The following SLBP variants were observed in gnomAD, a reference collection of about 807,000 sequenced individuals.
SLBP encodes stem-loop histone mRNA binding protein, also known as histone RNA hairpin-binding protein.
SLBP carries 29 observed loss-of-function variants against 39.2 expected under a neutral mutation model. That is an observed-to-expected ratio of 0.74 (90% CI 0.55 to 1.01). SLBP has a LOEUF of 1.01. Among genes scored for constraint, SLBP ranks in the 50% least tolerant of loss-of-function variants. The pLI, the probability that SLBP is intolerant of heterozygous loss-of-function variation, is 0.00. For synonymous variants in SLBP, 129 were observed against 118.7 expected (o/e 1.09, Z -0.57); for missense variants, 390 against 350.2 (o/e 1.11, Z -0.91).
chr4:1,710,744 A>G (rs559552036), intron 2 of SLBP, among the ~76,000 whole-genome samples: 14 of 147,940 alleles, frequency 9.5e-5, no homozygotes, highest in South Asian at 6.4e-4. Context: ...ATCTGCTTAG[A>G]AAAAAAAAAA....
At chr4:1,703,495 G>A (rs1716407275) in intron 3 of SLBP, 101 bp downstream of exon 3, 1 of 792,970 alleles carries the variant, frequency 1.3e-6, no homozygotes, top group East Asian at 2.5e-5. Context: ...TTGGTCTGGA[G>A]CCCAGACCTT....
At chr4:1,694,396 CTT>C (rs35411773) in intron 7 of SLBP, among the ~76,000 whole-genome samples, 13 of 136,812 alleles carry the variant, frequency 9.5e-5, no homozygotes, top group African/African-American at 1.9e-4. Flanking sequence ...GGTTTTCTTT[CTT>C]TTTTTTTTTT....
At chr4:1,708,003 C>T (rs1428768004) in intron 2 of SLBP, among the ~76,000 whole-genome samples, 5 of 149,882 alleles carry the variant, frequency 3.3e-5, no homozygotes, top group East Asian at 3.9e-4. Context: ...TGCTTGAACC[C>T]GGGAGGCAGA....
chr4:1,710,618 G>A (rs1334250816), intron 2 of SLBP, among the ~76,000 whole-genome samples: 3 of 152,222 alleles, frequency 2.0e-5, no homozygotes, highest in Non-Finnish European at 2.9e-5. Flanking sequence ...CATGTTCCAA[G>A]AGAAAAGGAG....
chr4:1,701,693 G>C (rs957138333), intron 3 of SLBP, among the ~76,000 whole-genome samples: 1 of 152,116 alleles, frequency 6.6e-6, no homozygotes, highest in African/African-American at 2.4e-5. Flanking sequence ...AATCACCTGA[G>C]GTCAGGAGTT....
intron 2 of SLBP, among the ~76,000 whole-genome samples, chr4:1,710,410 C>T (rs1716705589): frequency 6.6e-6 from 1 of 152,228 alleles, no homozygotes; most frequent in Non-Finnish European, 1.5e-5. Flanking sequence ...TTGAGTCATT[C>T]TTGATGCCTC....
At chr4:1,709,068 C>CT (rs3993283) in intron 2 of SLBP, among the ~76,000 whole-genome samples, 7,048 of 144,930 alleles carry the variant, frequency 0.049, 179 homozygotes, top group South Asian at 0.07. Context: ...AGTCTTTTGT[C>CT]TTTTTTTTTT....
intron 1 of SLBP, 48 bp from the exon 2 acceptor site, chr4:1,712,038 C>T (rs1351536830): frequency 2.4e-6 from 3 of 1,245,230 alleles, no homozygotes; most frequent in South Asian, 3.0e-5. Context: ...TCGGGACCGC[C>T]TTACAACCTC....
intron 2 of SLBP, among the ~76,000 whole-genome samples, chr4:1,706,669 G>A (rs1716528127): frequency 6.6e-6 from 1 of 152,098 alleles, no homozygotes. Context: ...GGCTAGGCGT[G>A]GCAGCGCGTG....
At chr4:1,705,492 G>C (rs1382108817) in intron 2 of SLBP, among the ~76,000 whole-genome samples, 3 of 152,134 alleles carry the variant, frequency 2.0e-5, no homozygotes, top group Non-Finnish European at 4.4e-5. Context: ...TAGACTACTT[G>C]TTTTATTTTG....
At chr4:1,700,730 A>T (rs1320972851) in intron 3 of SLBP, among the ~76,000 whole-genome samples, 1 of 152,054 alleles carries the variant, frequency 6.6e-6, no homozygotes, top group Non-Finnish European at 1.5e-5. Context: ...CATCTCCAAA[A>T]AAATTTTTTT....
rs1715989643 is a variant in SLBP, at chr4:1,693,405, AC to A, written c.*191del. On this transcript the variant is annotated 3_prime_UTR_variant, in exon 8 of 8. Coordinates refer to ENST00000489418, the MANE Select transcript of SLBP (RefSeq NM_006527.4). ...GACTTAGCTCCATTTACAATTTAAAACATGCAAAATATACTCACTATACATA... is the reference window on the plus strand; with the variant it reads ...GACTTAGCTCCATTTACAATTTAAAAATGCAAAATATACTCACTATACATA... 3.8e-6 allele frequency: 2 copies of A among 530,932 alleles called. No individual in the cohort carries two copies. Among genetic ancestry groups the A allele is most frequent in the Admixed American group, 6.9e-5 (2 of 28,794 alleles). 32.9% of individuals were successfully genotyped at this position (530,932 alleles called of 1,614,324 possible).
At chr4:1,698,318 AG>A (rs1716196574) in intron 5 of SLBP, among the ~76,000 whole-genome samples, 3 of 151,246 alleles carry the variant, frequency 2.0e-5, no homozygotes, top group South Asian at 4.2e-4. Context: ...TGGGCAACAG[AG>A]CAAGATTCCG....
intron 6 of SLBP, 25 bp from the exon 7 acceptor site, chr4:1,694,865 C>T: frequency 1.9e-6 from 3 of 1,556,520 alleles, no homozygotes; most frequent in South Asian, 1.1e-5. Context: ...CCAACATGTG[C>T]GTCAGGCACT....
intron 1 of SLBP, 26 bp from the exon 2 acceptor site, chr4:1,712,016 G>A (rs1287181468): frequency 2.4e-5 from 31 of 1,272,398 alleles, no homozygotes; most frequent in East Asian, 3.2e-5. Context: ...CGGTCGGCTG[G>A]GCACGGGAGG....
At chr4:1,700,154 C>G in intron 3 of SLBP, 84 bp from the exon 4 acceptor site, 1 of 843,748 alleles carries the variant, frequency 1.2e-6, no homozygotes, top group South Asian at 1.6e-5. Flanking sequence ...CCCTGATGCC[C>G]GCAGGCACAC....
rs1408885816 is a variant in SLBP at position 1,712,196 on chromosome 4, C to A, written c.-8G>T. 1.2e-5 allele frequency: 15 copies of A among 1,244,172 alleles called. No homozygotes were observed. The highest frequency in any genetic ancestry group is 1.5e-5 in the Non-Finnish European group (15 of 998,632). The allele number at this position is 1,244,172 out of a possible 1,614,324, so 77.1% of individuals were successfully genotyped here. ...TCGCGGGCGGCAGGCCATGGCAGCA[C>A]GGGCCGGGCGCGCAGCGCAGGGCCG... is the stretch of plus-strand genomic sequence containing the variant. On this transcript the variant is annotated 5_prime_UTR_variant, in exon 1 of 8. Transcript: ENST00000489418.
In SLBP at chr4:1,696,188, C is replaced by CA; in HGVS notation, c.629+13dup. 1 of 1,578,656 alleles carries CA rather than the reference C, an allele frequency of 6.3e-7. No homozygotes were observed. The highest frequency in any genetic ancestry group is 8.6e-7 in the Non-Finnish European group (1 of 1,163,020). ...ATCAGAGAATCACAGGACAAGAATG[C>CA]AATAAAGACATACATTTCTTGCAAA... On this transcript the variant is annotated intron_variant, in intron 6 of 7. Transcript: ENST00000489418.
intron 6 of SLBP, among the ~76,000 whole-genome samples, chr4:1,695,990 G>A (rs1452450589): frequency 6.6e-6 from 1 of 152,098 alleles, no homozygotes; most frequent in Admixed American, 6.6e-5. Context: ...GACTTTGCTT[G>A]AAAAAATAAA....
Sources: gnomAD v4.1 joint callset for allele counts (sites outside exome capture counted in the v4.1 genomes callset) on GRCh38, gnomAD v4.1.1 for gene constraint, MANE v1.5 for transcripts, NCBI Gene and HGNC (gene_info 2026-07-23, HGNC 2026-07-21) for gene names.